Variants in ZNF469 observed in about 807,000 individuals in gnomAD.
ZNF469 encodes the protein zinc finger protein 469.
Under a neutral mutation model 1.0 loss-of-function variants are expected in ZNF469, and 1 was observed. That is an observed-to-expected ratio of 1.00 (90% CI 0.35 to 4.73). ZNF469 has a LOEUF of 4.73. ZNF469 is among the 30% of genes most tolerant of loss of function. The pLI is 0.16. For missense variants in ZNF469, 6,100 were observed against 5,356.3 expected, an observed-to-expected ratio of 1.14 and a Z score of -4.33; for synonymous variants, 2,703 against 2,363.4, an observed-to-expected ratio of 1.14 and a Z score of -4.17.
chr16:88,357,286 T>A, the ZNF469 span, among the ~76,000 whole-genome samples: 1 of 152,204 alleles, frequency 6.6e-6, no homozygotes, highest in African/African-American at 2.4e-5. Flanking sequence ...TGACAACCTC[T>A]CTGCAGAGGT....
At chr16:88,227,211 G>A in the ZNF469 span, among the ~76,000 whole-genome samples, 6 of 152,174 alleles carry the variant, frequency 3.9e-5, no homozygotes, top group East Asian at 1.9e-4. Flanking sequence ...CTTGCCCGTC[G>A]TGGGGATACA....
chr16:88,379,151 C>T (rs1283590451), upstream of ZNF469, among the ~76,000 whole-genome samples: 1 of 152,080 alleles, frequency 6.6e-6, no homozygotes, highest in Non-Finnish European at 1.5e-5. Context: ...TGTGAGCTGG[C>T]CCTCCTGACC....
the ZNF469 span, among the ~76,000 whole-genome samples, chr16:88,366,196 TTCA>T: frequency 9.5e-3 from 1,153 of 121,982 alleles, 14 homozygotes; most frequent in Middle Eastern, 0.031. Context: ...TATAACCATT[TTCA>T]TCATCATCAT....
At chr16:88,230,101 CA>C in the ZNF469 span, among the ~76,000 whole-genome samples, 2 of 152,212 alleles carry the variant, frequency 1.3e-5, no homozygotes, top group African/African-American at 2.4e-5. Flanking sequence ...TGCTCTCCAT[CA>C]GGAAGGCTCA....
At chr16:88,174,737 TATA>T in the ZNF469 span, among the ~76,000 whole-genome samples, 29 of 150,958 alleles carry the variant, frequency 1.9e-4, no homozygotes, top group Admixed American at 1.5e-3. Context: ...TCCTTATGGT[TATA>T]ATATTTTTCT....
the ZNF469 span, among the ~76,000 whole-genome samples, chr16:88,111,246 T>C: frequency 2.6e-5 from 4 of 152,216 alleles, no homozygotes; most frequent in East Asian, 7.7e-4. Context: ...ATGGGCTGTT[T>C]TTCTAAAGAC....
In ZNF469 at chr16:88,433,333, G is replaced by A. The variant is rs772675428; in HGVS notation, c.5863G>A (p.Ala1955Thr). The A allele has an allele frequency of 9.0e-6, 14 of 1,550,142 alleles. No homozygotes were observed. Among genetic ancestry groups the A allele is most frequent in the African/African-American group, 2.7e-5 (2 of 73,052 alleles). ...VEGGKVACGP[A>T]QGSPGGVQVT... Reference sequence around the variant, plus strand: ...AGGAGGGAAGGTGGCCTGTGGCCCCGCCCAGGGCTCCCCAGGGGGTGTGCA... The same window carrying A: ...AGGAGGGAAGGTGGCCTGTGGCCCCACCCAGGGCTCCCCAGGGGGTGTGCA... The change falls in exon 3 of 3, where the codon GCC (alanine) becomes ACC (threonine). Residue 1955 changes from alanine (A) to threonine (T), a missense_variant. Physicochemically the swap from Ala to Thr is moderately conservative, Grantham distance 58. Transcript: ENST00000565624.
At chr16:88,208,916 G>C in the ZNF469 span, among the ~76,000 whole-genome samples, 1 of 151,188 alleles carries the variant, frequency 6.6e-6, no homozygotes. Flanking sequence ...GCAGGGCCAG[G>C]TCTGCCCTCT....
At chr16:88,123,517 TGGATATTA>T in the ZNF469 span, among the ~76,000 whole-genome samples, 1 of 152,096 alleles carries the variant, frequency 6.6e-6, no homozygotes, top group Non-Finnish European at 1.5e-5. Context: ...TAAACTGCCG[TGGATATTA>T]ACAGCAAGTC....
chr16:88,238,924 A>C, the ZNF469 span, among the ~76,000 whole-genome samples: 1 of 152,188 alleles, frequency 6.6e-6, no homozygotes, highest in African/African-American at 2.4e-5. Context: ...CCTCCCTCCC[A>C]TGGCCTTGGC....
chr16:88,430,907 C>T lies in ZNF469; in HGVS notation c.3437C>T (p.Ala1146Val), dbSNP rs756692377. 5 of 1,537,204 alleles carry T rather than the reference C, an allele frequency of 3.3e-6. No homozygotes were observed. In the South Asian group the frequency reaches 4.8e-5, roughly 15 times the overall value. Residue 1146 changes from alanine (A) to valine (V), a missense_variant, in exon 3 of 3, where the codon GCC (alanine) becomes GTC (valine). Ala to Val is a moderately conservative substitution (Grantham distance 64). Coordinates refer to ENST00000565624, the MANE Select transcript of ZNF469 (RefSeq NM_001367624.2). ...QKPRKAARQE[A>V]GGDGAPANPE... The stretch of plus-strand genomic sequence containing the variant: ...CCCCGGAAGGCGGCGAGGCAGGAAG[C>T]CGGCGGGGACGGAGCCCCCGCGAAC...
the ZNF469 span, among the ~76,000 whole-genome samples, chr16:88,346,152 A>G: frequency 6.6e-6 from 1 of 152,172 alleles, no homozygotes; most frequent in East Asian, 1.9e-4. Flanking sequence ...TGCCCGACAG[A>G]TATCTCCAGG....
the ZNF469 span, among the ~76,000 whole-genome samples, chr16:88,122,131 T>C: frequency 4.2e-3 from 532 of 125,486 alleles, 5 homozygotes; most frequent in African/African-American, 0.015. Context: ...GTGGCCACAG[T>C]GGCCACTCAG....
chr16:88,297,841 A>G, the ZNF469 span, among the ~76,000 whole-genome samples: 1 of 152,206 alleles, frequency 6.6e-6, no homozygotes, highest in Non-Finnish European at 1.5e-5. Context: ...TCCAAGGATT[A>G]GGACCTGACC....
At chr16:88,311,075 T>G in the ZNF469 span, among the ~76,000 whole-genome samples, 3 of 152,214 alleles carry the variant, frequency 2.0e-5, no homozygotes, top group Non-Finnish European at 4.4e-5. Flanking sequence ...TTGAGGATCT[T>G]GACAGTTTTG....
chr16:88,253,249 G>A, the ZNF469 span, among the ~76,000 whole-genome samples: 57 of 152,096 alleles, frequency 3.7e-4, no homozygotes, highest in African/African-American at 1.3e-3. Flanking sequence ...ATGAGGGGTC[G>A]CTGAGCAGAA....
chr16:88,421,409 C>T (rs1265368595), intron 1 of ZNF469, among the ~76,000 whole-genome samples: 1 of 152,184 alleles, frequency 6.6e-6, no homozygotes, highest in Non-Finnish European at 1.5e-5. Flanking sequence ...AAACCCACAC[C>T]GACAGGCTGG....
chr16:88,366,695 TCATCAC>T, the ZNF469 span, among the ~76,000 whole-genome samples: 1 of 149,180 alleles, frequency 6.7e-6, no homozygotes, highest in East Asian at 2.0e-4. Context: ...ACCATCATCA[TCATCAC>T]CATCACCATC....
the ZNF469 span, among the ~76,000 whole-genome samples, chr16:88,224,714 CAT>C: frequency 1.2e-4 from 19 of 152,278 alleles, no homozygotes; most frequent in South Asian, 3.1e-3. Context: ...TGTGTGTGTC[CAT>C]GTGTGTCTCT....
Sources: allele counts gnomAD v4.1 joint callset (sites outside exome capture counted in the v4.1 genomes callset), GRCh38; gene constraint gnomAD v4.1.1; transcripts MANE v1.5; gene names NCBI Gene and HGNC (gene_info 2026-07-23, HGNC 2026-07-21).